Variants in ACADSB observed in about 807,000 individuals in gnomAD.
The protein encoded by ACADSB is short/branched chain specific acyl-CoA dehydrogenase, mitochondrial.
In ACADSB, 40 loss-of-function variants were observed where a neutral mutation model predicts 54.1. That is an observed-to-expected ratio of 0.74 (90% CI 0.57 to 0.96). The LOEUF is 0.96. ACADSB is among the 40% of genes least tolerant of loss of function. The probability of loss-of-function intolerance (pLI) is 0.00; values close to 1 mark genes in which losing one functional copy is unlikely to be tolerated. For missense variants in ACADSB, 530 were observed against 510.4 expected (o/e 1.04, Z -0.37); for synonymous variants, 182 against 182.8 (o/e 1.00, Z 0.03).
chr10:123,041,852 C>T (rs1850478884), intron 5 of ACADSB, among the ~76,000 whole-genome samples: 1 of 152,042 alleles, frequency 6.6e-6, no homozygotes, highest in African/African-American at 2.4e-5. Context: ...ATTTTGGTAT[C>T]CATGGGGGTC....
intron 1 of ACADSB, among the ~76,000 whole-genome samples, chr10:123,016,559 T>C (rs753956850): frequency 3.3e-5 from 5 of 152,222 alleles, no homozygotes; most frequent in Non-Finnish European, 5.9e-5. Context: ...GACTCAAATA[T>C]AGACATACGG....
chr10:123,033,406 CAA>C (rs74512087), intron 1 of ACADSB, among the ~76,000 whole-genome samples: 5,349 of 152,166 alleles, frequency 0.035, 148 homozygotes, highest in Non-Finnish European at 0.052. Flanking sequence ...AGCGTGTAAT[CAA>C]AACTACTCAG....
chr10:123,011,527 C>CTTTTT (rs35312878), intron 1 of ACADSB, among the ~76,000 whole-genome samples: 1 of 139,384 alleles, frequency 7.2e-6, no homozygotes, highest in Non-Finnish European at 1.6e-5. Flanking sequence ...AGCTTGATAT[C>CTTTTT]TTTTTTTTTT....
At chr10:123,033,583 A>C (rs1296400599) in intron 1 of ACADSB, among the ~76,000 whole-genome samples, 1 of 152,110 alleles carries the variant, frequency 6.6e-6, no homozygotes, top group Non-Finnish European at 1.5e-5. Context: ...AGTTGTGTAG[A>C]AATAGTCATT....
At chr10:123,011,743 T>C (rs1484879569) in intron 1 of ACADSB, among the ~76,000 whole-genome samples, 1 of 151,966 alleles carries the variant, frequency 6.6e-6, no homozygotes, top group Non-Finnish European at 1.5e-5. Flanking sequence ...GTCAGCAAGA[T>C]GGAAATGGTC....
rs1379826127 is a variant in ACADSB, at chr10:123,056,798, T to G, written c.*3033T>G. On this transcript the variant is annotated 3_prime_UTR_variant, in exon 11 of 11. Coordinates refer to ENST00000358776, the MANE Select transcript of ACADSB (RefSeq NM_001609.4). ...CCTGACTTTTCCAGAGTAATTTTGT[T>G]TTGCACATTCATGTTTATTGAAGTG... is the stretch of plus-strand genomic sequence containing the variant. 1 of 152,470 alleles carries G rather than the reference T, an allele frequency of 6.6e-6. No individual in the cohort carries two copies. The highest frequency in any genetic ancestry group is 1.5e-5 in the Non-Finnish European group (1 of 68,032). 9.4% of individuals were successfully genotyped at this position (152,470 alleles called of 1,614,324 possible).
At chr10:123,014,024 G>A (rs11597647) in intron 1 of ACADSB, among the ~76,000 whole-genome samples, 2 of 152,256 alleles carry the variant, frequency 1.3e-5, no homozygotes, top group South Asian at 2.1e-4. Flanking sequence ...GCGAGGCACC[G>A]AGAGCAAGCG....
chr10:123,050,730 AAG>A lies in ACADSB; in HGVS notation c.991-314_991-313del, dbSNP rs57134436. Among the ~76,000 whole-genome samples the A allele has an allele frequency of 0.88, 134,461 of 152,100 alleles. 59,480 individuals carry two copies. Among genetic ancestry groups the A allele is most frequent in the Middle Eastern group, 0.95 (280 of 294 alleles). On this transcript the variant is annotated intron_variant, in intron 8 of 10. Transcript: ENST00000358776. The stretch of plus-strand genomic sequence containing the variant: ...TTCATTTAAGCTCAATTTTGATCAA[AAG>A]AGAGTTGAAATAATTATTAAATATA...
intron 4 of ACADSB, 42 bp downstream of exon 4, chr10:123,040,714 A>T (rs752086697): frequency 6.4e-7 from 1 of 1,564,372 alleles, no homozygotes. Context: ...TCTAATCTTT[A>T]GTAAGTTTAC....
chr10:123,032,854 G>T (rs192785675), intron 1 of ACADSB, among the ~76,000 whole-genome samples: 122 of 152,238 alleles, frequency 8.0e-4, no homozygotes, highest in African/African-American at 2.8e-3. Context: ...CTCCCAAAGT[G>T]CTGGGATTAC....
Position 123,057,452 on chromosome 10 carries a change from C to T in ACADSB, c.*3687C>T, listed in dbSNP as rs1252831013. ...TAGTTCTTCCTTTATAGCTTTTCTTCTGATAACCATGACTTCAGGAGCTTT... is the reference window on the plus strand; with the variant it reads ...TAGTTCTTCCTTTATAGCTTTTCTTTTGATAACCATGACTTCAGGAGCTTT... On this transcript the variant is annotated 3_prime_UTR_variant, in exon 11 of 11. Transcript: ENST00000358776. 1.3e-5 allele frequency: 2 copies of T among 152,136 alleles called. No individual in the cohort carries two copies. Among genetic ancestry groups the T allele is most frequent in the Non-Finnish European group, 2.9e-5 (2 of 68,024 alleles). 9.4% of individuals were successfully genotyped at this position (152,136 alleles called of 1,614,324 possible).
chr10:123,033,366 G>A (rs146162490), intron 1 of ACADSB, among the ~76,000 whole-genome samples: 10 of 152,132 alleles, frequency 6.6e-5, no homozygotes, highest in Non-Finnish European at 1.5e-4. Context: ...GTAGTGACTC[G>A]TCCACAGTTT....
intron 1 of ACADSB, among the ~76,000 whole-genome samples, chr10:123,029,998 A>G (rs770390756): frequency 1.3e-4 from 20 of 152,158 alleles, no homozygotes; most frequent in Admixed American, 2.6e-4. Context: ...GCCTGGGTTG[A>G]TGCTGTGTGA....
intron 1 of ACADSB, among the ~76,000 whole-genome samples, chr10:123,013,581 G>A (rs371163992): frequency 3.7e-4 from 57 of 152,372 alleles, no homozygotes; most frequent in East Asian, 1.4e-3. Context: ...GGCTCAGGCC[G>A]TGCAGGAGCC....
At chr10:123,020,161 G>T (rs995264929) in intron 1 of ACADSB, among the ~76,000 whole-genome samples, 51 of 152,230 alleles carry the variant, frequency 3.4e-4, no homozygotes, top group African/African-American at 1.2e-3. Flanking sequence ...CCTACCTTAG[G>T]TATATAAAGG....
rs1850623258 is a variant in ACADSB at position 123,050,969 on chromosome 10, T to C, written c.991-80T>C. ...GTGTATTTTGAGTCTGTCAGTGTTG[T>C]GTATCTAGGCAGGACTTTGAGGTTG... On this transcript the variant is annotated intron_variant, in intron 8 of 10. Transcript: ENST00000358776. 4.1e-6 allele frequency: 6 copies of C among 1,480,298 alleles called. No homozygotes were observed. The Admixed American group carries it at 1.1e-4, about 28-fold the overall frequency. The allele number at this position is 1,480,298 out of a possible 1,614,324, so 91.7% of individuals were successfully genotyped here. A position where few individuals can be genotyped will look rare whatever the true frequency, so the allele number is the denominator to read the frequency against.
intron 3 of ACADSB, among the ~76,000 whole-genome samples, chr10:123,039,533 G>T (rs1850444058): frequency 6.6e-6 from 1 of 152,216 alleles, no homozygotes; most frequent in African/African-American, 2.4e-5. Context: ...AGGCCCTCGT[G>T]CTTTGGCTAG....
rs535443355 is a variant in ACADSB at position 123,012,551 on chromosome 10, G to A, written c.42+3480G>A. On this transcript the variant is annotated intron_variant, in intron 1 of 10. Transcript: ENST00000358776. ...CTGGAGTTTGTTCCTTCTGATGTTC[G>A]GATGTGTTCGGAGTTTCTTCCTTCT... is the stretch of plus-strand genomic sequence containing the variant. 3.3e-5 allele frequency among the ~76,000 whole-genome samples: 5 copies of A among 152,190 alleles called. No individual in the cohort carries two copies. The East Asian group carries it at 5.8e-4, about 18-fold the overall frequency.
chr10:123,012,404 G>A (rs1392403102), intron 1 of ACADSB, among the ~76,000 whole-genome samples: 1 of 152,208 alleles, frequency 6.6e-6, no homozygotes, highest in Non-Finnish European at 1.5e-5. Context: ...GAGTGGTGGG[G>A]CCTAATGGGA....
Sources: allele counts gnomAD v4.1 joint callset (sites outside exome capture counted in the v4.1 genomes callset), GRCh38; gene constraint gnomAD v4.1.1; transcripts MANE v1.5; gene names NCBI Gene and HGNC (gene_info 2026-07-23, HGNC 2026-07-21).